The following TRPM3 variants were observed in gnomAD, a reference collection of about 807,000 sequenced individuals.
TRPM3 encodes long transient receptor potential channel 3.
A neutral mutation model predicts 181.2 loss-of-function variants in TRPM3; 77 were observed. The ratio of observed to expected loss-of-function variants is 0.42; its 90% CI spans 0.35 to 0.51. The LOEUF (loss-of-function observed/expected upper bound fraction) is 0.51, where lower values mean the gene tolerates loss of function less well. Among genes scored for constraint, TRPM3 ranks in the 20% least tolerant of loss-of-function variants. The probability of loss-of-function intolerance (pLI) is 0.01; values close to 1 mark genes in which losing one functional copy is unlikely to be tolerated. For missense variants in TRPM3, 1,759 were observed against 2,196.7 expected (o/e 0.80, Z 3.98); for synonymous variants, 745 against 796.4 (o/e 0.94, Z 1.09).
chr9:71,358,744 T>G (rs923474095), intron 1 of TRPM3, among the ~76,000 whole-genome samples: 1 of 152,194 alleles, frequency 6.6e-6, no homozygotes, highest in Non-Finnish European at 1.5e-5. Flanking sequence ...AAAGTTGTGA[T>G]GTGACATCTA....
rs574143651 is a variant in TRPM3 at position 71,342,497 on chromosome 9, A to G, written c.183+104156T>C. On this transcript the variant is annotated intron_variant, in intron 1 of 24. Coordinates refer to the TRPM3 transcript ENST00000357533. Reference sequence around the variant, plus strand: ...CTATAAAAAGTAATTAGTAAACTCCATGAAGCGATATGAAATAATTTCCAA... The same window carrying G: ...CTATAAAAAGTAATTAGTAAACTCCGTGAAGCGATATGAAATAATTTCCAA... 2.6e-5 allele frequency among the ~76,000 whole-genome samples: 4 copies of G among 152,018 alleles called. No homozygotes were observed. The South Asian group carries it at 8.3e-4, about 32-fold the overall frequency.
intron 1 of TRPM3, among the ~76,000 whole-genome samples, chr9:71,002,186 C>T (rs1176618351): frequency 3.9e-5 from 6 of 152,218 alleles, no homozygotes; most frequent in African/African-American, 1.4e-4. Context: ...AATACTCTCT[C>T]AATCCATCCG....
intron 1 of TRPM3, among the ~76,000 whole-genome samples, chr9:71,224,769 A>G (rs776115274): frequency 1.2e-4 from 19 of 152,002 alleles, no homozygotes; most frequent in Non-Finnish European, 1.9e-4. Flanking sequence ...ACAGAGCAAG[A>G]CCCTGTCTCT....
intron 1 of TRPM3, among the ~76,000 whole-genome samples, chr9:70,957,255 C>T (rs1252696597): frequency 5.9e-5 from 9 of 152,000 alleles, no homozygotes; most frequent in South Asian, 4.1e-4. Flanking sequence ...TGAGCCACTG[C>T]GCCTGGCCAA....
At chr9:71,414,524 T>C (rs1353575348) in intron 1 of TRPM3, among the ~76,000 whole-genome samples, 2 of 152,126 alleles carry the variant, frequency 1.3e-5, no homozygotes, top group Non-Finnish European at 2.9e-5. Flanking sequence ...TTCTGCCAGA[T>C]GGCCTGTATA....
At chr9:70,945,067 TA>T (rs1214781664) in intron 1 of TRPM3, among the ~76,000 whole-genome samples, 3 of 152,180 alleles carry the variant, frequency 2.0e-5, no homozygotes, top group Non-Finnish European at 4.4e-5. Context: ...AGAAGTCCTC[TA>T]GGGGTGAAGC....
intron 1 of TRPM3, among the ~76,000 whole-genome samples, chr9:71,205,874 C>G (rs2079092374): frequency 6.6e-6 from 1 of 152,160 alleles, no homozygotes; most frequent in African/African-American, 2.4e-5. Flanking sequence ...TGTTTGCACA[C>G]TGTGATTTCA....
At chr9:70,801,774 G>A (rs1000633488) in intron 6 of TRPM3, among the ~76,000 whole-genome samples, 3 of 150,572 alleles carry the variant, frequency 2.0e-5, no homozygotes, top group Admixed American at 6.6e-5. Context: ...AACAATAAGG[G>A]CTAATACCAT....
intron 6 of TRPM3, among the ~76,000 whole-genome samples, chr9:70,818,072 T>C (rs2092856818): frequency 6.6e-6 from 1 of 152,200 alleles, no homozygotes; most frequent in Admixed American, 6.5e-5. Flanking sequence ...TTGGTAAATT[T>C]ATTGAGGATG....
intron 8 of TRPM3, among the ~76,000 whole-genome samples, chr9:70,693,621 A>G (rs1246866095): frequency 1.3e-5 from 2 of 152,198 alleles, no homozygotes; most frequent in African/African-American, 4.8e-5. Flanking sequence ...AGAGAGTGTC[A>G]TGAAGGTATC....
At chr9:71,444,575 C>G (rs2094179123) in intron 1 of TRPM3, among the ~76,000 whole-genome samples, 1 of 151,830 alleles carries the variant, frequency 6.6e-6, no homozygotes, top group Admixed American at 6.6e-5. Flanking sequence ...ATATTAACTG[C>G]TTTAATCTTT....
intron 6 of TRPM3, among the ~76,000 whole-genome samples, chr9:70,808,492 T>C (rs912312601): frequency 2.6e-5 from 4 of 152,234 alleles, no homozygotes; most frequent in Admixed American, 2.6e-4. Context: ...GAAACCAGTT[T>C]CGCTAAAATT....
intron 1 of TRPM3, among the ~76,000 whole-genome samples, chr9:70,915,559 C>T (rs528223701): frequency 4.0e-5 from 6 of 151,838 alleles, no homozygotes; most frequent in African/African-American, 1.4e-4. Flanking sequence ...CCCGCCTTGG[C>T]CTCCCACAGT....
intron 1 of TRPM3, among the ~76,000 whole-genome samples, chr9:71,228,379 TG>T (rs1479207856): frequency 6.6e-6 from 1 of 152,118 alleles, no homozygotes; most frequent in Non-Finnish European, 1.5e-5. Flanking sequence ...TCACACTGAC[TG>T]GGGAAAAACA....
intron 1 of TRPM3, among the ~76,000 whole-genome samples, chr9:71,017,857 T>C (rs2097797142): frequency 6.6e-6 from 1 of 151,834 alleles, no homozygotes; most frequent in South Asian, 2.1e-4. Flanking sequence ...TAGAACTCTA[T>C]ACCCAACAAT....
At chr9:70,879,716 C>T (rs1185339810) in intron 1 of TRPM3, among the ~76,000 whole-genome samples, 1 of 152,162 alleles carries the variant, frequency 6.6e-6, no homozygotes, top group East Asian at 1.9e-4. Context: ...ATGGAACATT[C>T]TTTCAGATGT....
chr9:70,571,940 A>G (rs1474147943), intron 22 of TRPM3, among the ~76,000 whole-genome samples: 1 of 151,916 alleles, frequency 6.6e-6, no homozygotes. Context: ...AGCCTGATTG[A>G]CTTTGTCCCC....
chr9:70,773,424 G>A lies in TRPM3; in HGVS notation c.1148+10681C>T, dbSNP rs1588138168. ...CTAGATCAGGCTGATGCATGTAGAA[G>A]CTCTAAAAAATATTAATTTCAAATT... On this transcript the variant is annotated intron_variant, in intron 7 of 25. Transcript: ENST00000677713. Among the ~76,000 whole-genome samples, 4 of 152,290 alleles carry A rather than the reference G, an allele frequency of 2.6e-5. 1 individual carries two copies. In the South Asian group the frequency reaches 8.3e-4, roughly 32 times the overall value.
At position 71,205,356 on chromosome 9, in the gene TRPM3, T is replaced by G. The variant is rs189024767; in HGVS notation, c.183+241297A>C. Among the ~76,000 whole-genome samples, 196 of 152,280 alleles carry G rather than the reference T, an allele frequency of 1.3e-3. 1 individual carries two copies. The highest frequency in any genetic ancestry group is 2.0e-3 in the Non-Finnish European group (139 of 68,016). ...TACTCTCAAAACTTTACAAAAAAGC[T>G]TCTCATTCAGCCCAAAATGAATTTA... On this transcript the variant is annotated intron_variant, in intron 1 of 24. Transcript: ENST00000357533.
Sources: allele counts gnomAD v4.1 joint callset (sites outside exome capture counted in the v4.1 genomes callset), GRCh38; gene constraint gnomAD v4.1.1; transcripts MANE v1.5; gene names NCBI Gene and HGNC (gene_info 2026-07-23, HGNC 2026-07-21).